The following OXR1 variants were observed in gnomAD, a reference collection of about 807,000 sequenced individuals.
OXR1 encodes the protein oxidation resistance 1.
A neutral mutation model predicts 104.6 loss-of-function variants in OXR1; 41 were observed. That is an observed-to-expected ratio of 0.39 (90% CI 0.31 to 0.51). The LOEUF (loss-of-function observed/expected upper bound fraction) is 0.51. Ranked by LOEUF, OXR1 falls within the 20% of genes least tolerant of loss-of-function variation. OXR1 has a pLI of 0.77. For synonymous variants in OXR1, 348 were observed against 348.4 expected (o/e 1.00, Z 0.01); for missense variants, 955 against 1,031.9 (o/e 0.93, Z 1.02).
At chr8:106,637,062 C>T (rs2130920107) in intron 3 of OXR1, among the ~76,000 whole-genome samples, 1 of 152,264 alleles carries the variant, frequency 6.6e-6, no homozygotes, top group East Asian at 1.9e-4. Context: ...GTAATCATTC[C>T]TTTGGCATAC....
intron 3 of OXR1, among the ~76,000 whole-genome samples, chr8:106,617,171 C>T (rs1392577024): frequency 6.6e-6 from 1 of 152,182 alleles, no homozygotes; most frequent in Admixed American, 6.5e-5. Flanking sequence ...GCCTGTAATT[C>T]CAGCATTTTG....
chr8:106,707,195 T>A, intron 9 of OXR1, 50 bp downstream of exon 9: 3 of 1,552,356 alleles, frequency 1.9e-6, no homozygotes, highest in Non-Finnish European at 2.7e-6. Context: ...GTATGGTGTC[T>A]CCGTCTTTCC....
chr8:106,384,112 C>G (rs1039350086), intron 2 of OXR1, among the ~76,000 whole-genome samples: 5 of 152,096 alleles, frequency 3.3e-5, no homozygotes, highest in African/African-American at 1.2e-4. Flanking sequence ...AGAAGACTGA[C>G]AAAATGATGC....
At chr8:106,298,327 A>G (rs977228822) in intron 1 of OXR1, among the ~76,000 whole-genome samples, 1 of 152,200 alleles carries the variant, frequency 6.6e-6, no homozygotes, top group Non-Finnish European at 1.5e-5. Context: ...CACATCTTAC[A>G]TGGAGGCAGG....
intron 4 of OXR1, among the ~76,000 whole-genome samples, chr8:106,682,721 CTAAA>C (rs1342788216): frequency 6.6e-6 from 1 of 152,120 alleles, no homozygotes; most frequent in Non-Finnish European, 1.5e-5. Context: ...TGATTCAGAA[CTAAA>C]TAACTCAACT....
chr8:106,551,408 A>T (rs7843419), intron 3 of OXR1, among the ~76,000 whole-genome samples: 31,882 of 152,130 alleles, frequency 0.21, 3,452 homozygotes, highest in East Asian at 0.38. Context: ...TAAATACAAA[A>T]ATATATAAAC....
At chr8:106,496,246 T>A (rs1811403356) in intron 2 of OXR1, among the ~76,000 whole-genome samples, 1 of 152,124 alleles carries the variant, frequency 6.6e-6, no homozygotes. Flanking sequence ...AATTCTCAGT[T>A]CCAATCCGAG....
intron 3 of OXR1, among the ~76,000 whole-genome samples, chr8:106,672,083 A>G (rs1259668858): frequency 6.6e-6 from 1 of 151,228 alleles, no homozygotes; most frequent in Non-Finnish European, 1.5e-5. Context: ...AAAAATGTGT[A>G]ACTTTCAGAT....
In OXR1 at chr8:106,740,448, G is replaced by A. The variant is rs1834823422; in HGVS notation, c.2269G>A (p.Gly757Ser). Residue 757 changes from glycine (G) to serine (S), a missense_variant, in exon 14 of 17, where the codon GGT becomes AGT. Gly to Ser is a moderately conservative substitution (Grantham distance 56, BLOSUM62 0). Around this residue, in one of 2 missense-constraint regions of OXR1, gnomAD observed 106 missense variants for 179.0 expected, o/e 0.59. Transcript: ENST00000517566. ...SLKTLYRTMT[G>S]LDTPVLMVIK... ...GAAAACTCTTTATCGAACAATGACA[G>A]GTTTAGACACCCCAGTGCTGATGGT... 2 of 1,613,190 alleles carry A rather than the reference G, an allele frequency of 1.2e-6. No individual in the cohort carries two copies. The highest frequency in any genetic ancestry group is 4.5e-5 in the East Asian group (2 of 44,778).
intron 2 of OXR1, among the ~76,000 whole-genome samples, chr8:106,370,756 C>G: frequency 6.6e-6 from 1 of 152,274 alleles, no homozygotes; most frequent in East Asian, 1.9e-4. Context: ...CCAACTTGAT[C>G]ATTGTGGATA....
chr8:106,538,354 A>T (rs1814702852), intron 3 of OXR1, among the ~76,000 whole-genome samples: 1 of 152,146 alleles, frequency 6.6e-6, no homozygotes, highest in Non-Finnish European at 1.5e-5. Context: ...TTCAGCATTG[A>T]TTTGATTTTT....
At chr8:106,671,359 C>T (rs1428538945) in intron 3 of OXR1, among the ~76,000 whole-genome samples, 1 of 151,994 alleles carries the variant, frequency 6.6e-6, no homozygotes, top group Admixed American at 6.6e-5. Context: ...GAGAGCAAAA[C>T]TAAATCAACC....
chr8:106,588,825 A>G (rs1015167432), intron 3 of OXR1, among the ~76,000 whole-genome samples: 1 of 152,220 alleles, frequency 6.6e-6, no homozygotes, highest in Non-Finnish European at 1.5e-5. Flanking sequence ...ATGGTATAAT[A>G]GTTAAAAGCT....
At position 106,385,824 on chromosome 8, in the gene OXR1, C is replaced by T. The variant is rs904336237; in HGVS notation, c.23+26188C>T. 2.0e-5 allele frequency among the ~76,000 whole-genome samples: 3 copies of T among 152,104 alleles called. 1 individual carries two copies. The highest frequency in any genetic ancestry group is 6.6e-5 in the Admixed American group (1 of 15,254). ...GAGGCAGTCACTGCACATTGGCTCA[C>T]TTGATATCCACCCTGCTCCCATTCT... is the stretch of plus-strand genomic sequence containing the variant. On this transcript the variant is annotated intron_variant, in intron 2 of 16. Transcript: ENST00000517566.
In OXR1 at chr8:106,314,035, T is replaced by G. The variant is rs550151484; in HGVS notation, c.-139+43668T>G. 5.3e-3 allele frequency among the ~76,000 whole-genome samples: 800 copies of G among 152,286 alleles called. 4 individuals carry two copies. Among genetic ancestry groups the G allele is most frequent in the Non-Finnish European group, 8.9e-3 (603 of 68,020 alleles). On this transcript the variant is annotated intron_variant, in intron 1 of 16. Coordinates refer to ENST00000517566, the MANE Select transcript of OXR1 (RefSeq NM_001198533.2). The stretch of plus-strand genomic sequence containing the variant: ...ATAGGTTTCATGTAAGAAAAACAAT[T>G]CTGTCATCATACACATTCAGAGAAT...
At chr8:106,383,878 C>A (rs1273140841) in intron 2 of OXR1, among the ~76,000 whole-genome samples, 1 of 152,084 alleles carries the variant, frequency 6.6e-6, no homozygotes, top group East Asian at 1.9e-4. Context: ...ATGAGAAAAA[C>A]TTGGCATAAT....
chr8:106,328,492 T>G (rs1271528772), intron 1 of OXR1, among the ~76,000 whole-genome samples: 1 of 152,224 alleles, frequency 6.6e-6, no homozygotes, highest in Admixed American at 6.5e-5. Flanking sequence ...TAAAATATCC[T>G]ACATTAAAAG....
At chr8:106,730,270 G>A (rs553084523) in intron 11 of OXR1, among the ~76,000 whole-genome samples, 1 of 151,972 alleles carries the variant, frequency 6.6e-6, no homozygotes, top group Non-Finnish European at 1.5e-5. Flanking sequence ...TTACATTAAG[G>A]TTCATTCTTT....
chr8:106,701,680 A>G (rs556095902), intron 7 of OXR1, among the ~76,000 whole-genome samples: 1 of 152,346 alleles, frequency 6.6e-6, no homozygotes, highest in South Asian at 2.1e-4. Context: ...CAGAGGAATT[A>G]TATATAGCAT....
Sources: allele counts gnomAD v4.1 joint callset (sites outside exome capture counted in the v4.1 genomes callset), GRCh38; gene constraint gnomAD v4.1.1; regional missense constraint gnomAD v4.1.1; transcripts MANE v1.5; gene names NCBI Gene and HGNC (gene_info 2026-07-23, HGNC 2026-07-21).